Variants in ACBD6 observed in about 807,000 individuals in gnomAD.
ACBD6 encodes acyl-CoA binding domain containing 6, also known as acyl-CoA-binding domain-containing protein 6.
A neutral mutation model predicts 37.2 loss-of-function variants in ACBD6; 28 were observed. That is an observed-to-expected ratio of 0.75 (90% CI 0.56 to 1.03). The LOEUF is 1.03. ACBD6 is among the 50% of genes least tolerant of loss of function. ACBD6 has a pLI of 0.00. For synonymous variants in ACBD6, 113 were observed against 126.8 expected, an observed-to-expected ratio of 0.89 and a Z score of 0.73; for missense variants, 340 against 337.4, an observed-to-expected ratio of 1.01 and a Z score of -0.06.
chr1:180,480,794 G>A (rs1346965488), intron 3 of ACBD6, among the ~76,000 whole-genome samples: 1 of 152,126 alleles, frequency 6.6e-6, no homozygotes, highest in Non-Finnish European at 1.5e-5. Flanking sequence ...ACTTTGGGAG[G>A]CCGAGGTGGG....
At chr1:180,356,156 AGCCACCGT>A (rs1460948707) in intron 6 of ACBD6, among the ~76,000 whole-genome samples, 1 of 151,272 alleles carries the variant, frequency 6.6e-6, no homozygotes, top group East Asian at 2.0e-4. Context: ...TACAGGCGTG[AGCCACCGT>A]GCCTGGCCTA....
intron 6 of ACBD6, among the ~76,000 whole-genome samples, chr1:180,330,051 C>G (rs1309497748): frequency 6.6e-6 from 1 of 152,052 alleles, no homozygotes; most frequent in African/African-American, 2.4e-5. Context: ...CAAAATACAG[C>G]AAAATACAAG....
At chr1:180,359,137 G>A (rs1571405707) in intron 6 of ACBD6, among the ~76,000 whole-genome samples, 1 of 152,160 alleles carries the variant, frequency 6.6e-6, no homozygotes, top group East Asian at 1.9e-4. Context: ...TTTAACCCAC[G>A]GCAATTTCAA....
At chr1:180,392,466 T>G (rs1424193515) in intron 6 of ACBD6, among the ~76,000 whole-genome samples, 3 of 152,172 alleles carry the variant, frequency 2.0e-5, no homozygotes, top group African/African-American at 7.2e-5. Flanking sequence ...TATACAAATT[T>G]TACAGTGAAT....
intron 4 of ACBD6, among the ~76,000 whole-genome samples, chr1:180,416,745 C>T (rs564646368): frequency 6.8e-4 from 103 of 152,204 alleles, no homozygotes; most frequent in South Asian, 2.5e-3. Flanking sequence ...TGTTTAAGTA[C>T]GGCTTTTTCA....
intron 3 of ACBD6, among the ~76,000 whole-genome samples, chr1:180,442,603 T>C (rs1295793552): frequency 6.6e-6 from 1 of 152,224 alleles, no homozygotes; most frequent in Non-Finnish European, 1.5e-5. Context: ...GAATGCTACA[T>C]TGCTTTGTAT....
rs972772756 is a variant in ACBD6 at position 180,305,937 on chromosome 1, T to C, written c.694+8755A>G. Among the ~76,000 whole-genome samples the C allele has an allele frequency of 2.9e-4, 44 of 152,280 alleles. 1 individual carries two copies. Among genetic ancestry groups the C allele is most frequent in the Non-Finnish European group, 2.2e-4 (15 of 68,032 alleles). On this transcript the variant is annotated intron_variant, in intron 7 of 7. Transcript: ENST00000367595. ...TGCAGCCATAAAAATGATGAGTTCA[T>C]GTCCTTTGTAGTGACATGGATGAAG...
chr1:180,386,198 G>T (rs10753209), intron 6 of ACBD6, among the ~76,000 whole-genome samples: 73,909 of 151,986 alleles, frequency 0.49, 20,796 homozygotes, highest in South Asian at 0.66. Flanking sequence ...GCATTCAGTA[G>T]TTAAGCTATG....
At chr1:180,414,927 C>T (rs777150396) in intron 4 of ACBD6, among the ~76,000 whole-genome samples, 2 of 151,994 alleles carry the variant, frequency 1.3e-5, no homozygotes, top group Admixed American at 1.3e-4. Context: ...GCAAATAATA[C>T]CACGTTAGCC....
intron 6 of ACBD6, among the ~76,000 whole-genome samples, chr1:180,338,284 C>CTA (rs1651827632): frequency 6.6e-6 from 1 of 151,976 alleles, no homozygotes; most frequent in African/African-American, 2.4e-5. Context: ...TCAAACTATA[C>CTA]TACAAACAGT....
intron 6 of ACBD6, among the ~76,000 whole-genome samples, chr1:180,359,072 C>T (rs1652743699): frequency 6.6e-6 from 1 of 152,166 alleles, no homozygotes; most frequent in Non-Finnish European, 1.5e-5. Context: ...GCTCCAAGGA[C>T]TCTAGGGAAA....
chr1:180,490,962 A>C lies in ACBD6; in HGVS notation c.384+1307T>G, dbSNP rs1360937664. Reference sequence around the variant, plus strand: ...GATAGAGTGAGACTCTGTCTCATATAAAAAAAAAAAAAAAAAAAAAGGACA... The same window carrying C: ...GATAGAGTGAGACTCTGTCTCATATCAAAAAAAAAAAAAAAAAAAAGGACA... On this transcript the variant is annotated intron_variant, in intron 3 of 7. Coordinates refer to ENST00000367595, the MANE Select transcript of ACBD6 (RefSeq NM_032360.4). 1.5e-3 allele frequency among the ~76,000 whole-genome samples: 14 copies of C among 9,494 alleles called. No individual in the cohort carries two copies. In the South Asian group the frequency reaches 0.025, roughly 17 times the overall value. 6.2% of individuals were successfully genotyped at this position (9,494 alleles called of 152,430 possible). A position where few individuals can be genotyped will look rare whatever the true frequency, so the allele number is the denominator to read the frequency against.
At chr1:180,423,048 T>G (rs1648438404) in intron 4 of ACBD6, among the ~76,000 whole-genome samples, 1 of 152,238 alleles carries the variant, frequency 6.6e-6, no homozygotes. Flanking sequence ...TGATGAACTT[T>G]TTATAACAGA....
chr1:180,287,292 C>A (rs984040077), downstream of ACBD6: 3 of 151,634 alleles, frequency 2.0e-5, no homozygotes, highest in African/African-American at 4.9e-5. Flanking sequence ...TCCCAGCTAT[C>A]TCAGCTACAC....
At chr1:180,315,077 G>A (rs566453306) in intron 6 of ACBD6, among the ~76,000 whole-genome samples, 33 of 134,752 alleles carry the variant, frequency 2.4e-4, no homozygotes, top group Middle Eastern at 3.5e-3. Context: ...GCCAGTATTA[G>A]GATTTTTTTT....
At chr1:180,311,423 C>T (rs1213219746) in intron 7 of ACBD6, among the ~76,000 whole-genome samples, 1 of 152,062 alleles carries the variant, frequency 6.6e-6, no homozygotes, top group African/African-American at 2.4e-5. Flanking sequence ...ATTCATAGTT[C>T]TTTCTTTTTT....
chr1:180,481,094 A>T (rs1051696128), intron 3 of ACBD6, among the ~76,000 whole-genome samples: 1 of 152,104 alleles, frequency 6.6e-6, no homozygotes, highest in African/African-American at 2.4e-5. Context: ...CATTCATGGC[A>T]ATAACTGGCT....
At chr1:180,323,812 T>C (rs1169603767) in intron 6 of ACBD6, among the ~76,000 whole-genome samples, 1 of 152,036 alleles carries the variant, frequency 6.6e-6, no homozygotes, top group Non-Finnish European at 1.5e-5. Context: ...GTGTCTCTTG[T>C]AGGCAACAGA....
At position 180,397,575 on chromosome 1, in the gene ACBD6, G is replaced by C; in HGVS notation, c.604C>G (p.Arg202Gly). 6.2e-7 allele frequency: 1 copy of C among 1,613,934 alleles called. No individual in the cohort carries two copies. Among genetic ancestry groups the C allele is most frequent in the South Asian group, 1.1e-5 (1 of 91,082 alleles). The change falls in exon 6 of 8, where the codon CGA (arginine) becomes GGA (glycine). Residue 202 changes from arginine (R) to glycine (G), a missense_variant. Arg to Gly is a moderately radical substitution (Grantham distance 125). Transcript: ENST00000367595. ...GRALLHWACD[R>G]GHKELVTVLL... The stretch of plus-strand genomic sequence containing the variant: ...ACTGTGACTAGTTCCTTATGTCCTC[G>C]ATCACAGGCCCAGTGAAGTAGAGCC...
Sources: allele counts gnomAD v4.1 joint callset (sites outside exome capture counted in the v4.1 genomes callset), GRCh38; gene constraint gnomAD v4.1.1; transcripts MANE v1.5; gene names NCBI Gene and HGNC (gene_info 2026-07-23, HGNC 2026-07-21).